The following ROBO2 variants were observed in gnomAD, a reference collection of about 807,000 sequenced individuals.
ROBO2 encodes the protein roundabout homolog 2.
In ROBO2, 53 loss-of-function variants were observed where a neutral mutation model predicts 160.8. The observed-to-expected ratio is 0.33, with a 90% CI of 0.26 to 0.41. The LOEUF is 0.41. ROBO2 is among the 10% of genes least tolerant of loss of function. The pLI, the probability that ROBO2 is intolerant of heterozygous loss-of-function variation, is 1.00. For synonymous variants in ROBO2, 664 were observed against 611.7 expected, an observed-to-expected ratio of 1.09 and a Z score of -1.26; for missense variants, 1,577 against 1,722.4, an observed-to-expected ratio of 0.92 and a Z score of 1.49.
intron 2 of ROBO2, among the ~76,000 whole-genome samples, chr3:76,450,457 G>GA (rs1372612620): frequency 6.6e-6 from 1 of 151,970 alleles, no homozygotes; most frequent in Non-Finnish European, 1.5e-5. Context: ...AAATCTGGCA[G>GA]AAAAAAATGA....
intron 2 of ROBO2, among the ~76,000 whole-genome samples, chr3:76,806,778 A>C (rs1247664351): frequency 6.6e-6 from 1 of 152,066 alleles, no homozygotes; most frequent in South Asian, 2.1e-4. Context: ...AAGTTGCACT[A>C]TATAGACACA....
intron 2 of ROBO2, among the ~76,000 whole-genome samples, chr3:75,961,123 A>G (rs1948895405): frequency 6.6e-6 from 1 of 151,660 alleles, no homozygotes; most frequent in Non-Finnish European, 1.5e-5. Context: ...TTAAATCCAG[A>G]AACTGGGCCC....
chr3:77,011,979 A>G (rs1042606008), intron 2 of ROBO2, among the ~76,000 whole-genome samples: 1 of 152,108 alleles, frequency 6.6e-6, no homozygotes, highest in Admixed American at 6.5e-5. Context: ...GGAAGGTATT[A>G]TTCTCTTTCT....
At chr3:76,045,430 C>G (rs919763896) in intron 2 of ROBO2, among the ~76,000 whole-genome samples, 3 of 151,866 alleles carry the variant, frequency 2.0e-5, no homozygotes, top group Admixed American at 2.0e-4. Flanking sequence ...ATGAGTGAGG[C>G]CAGACCAGAT....
intron 2 of ROBO2, among the ~76,000 whole-genome samples, chr3:76,275,981 C>A (rs550167426): frequency 6.6e-6 from 1 of 151,616 alleles, no homozygotes; most frequent in South Asian, 2.1e-4. Flanking sequence ...AATTAAAAAT[C>A]AAATATACAA....
chr3:76,947,267 T>C (rs1559746944), intron 2 of ROBO2, among the ~76,000 whole-genome samples: 1 of 152,008 alleles, frequency 6.6e-6, no homozygotes, highest in Non-Finnish European at 1.5e-5. Flanking sequence ...ATTCTTTCTA[T>C]AAAAAAACAT....
intron 2 of ROBO2, among the ~76,000 whole-genome samples, chr3:77,368,656 G>T (rs954287038): frequency 1.3e-5 from 2 of 152,110 alleles, no homozygotes; most frequent in Non-Finnish European, 2.9e-5. Flanking sequence ...ATGTGTCTCC[G>T]CACAATTCCT....
At chr3:76,933,053 G>A (rs1478643194) in intron 2 of ROBO2, among the ~76,000 whole-genome samples, 1 of 138,434 alleles carries the variant, frequency 7.2e-6, no homozygotes, top group Non-Finnish European at 1.6e-5. Context: ...GTTTGAGGAA[G>A]TGGACAGGAA....
chr3:77,293,637 A>G (rs1465463113), intron 2 of ROBO2, among the ~76,000 whole-genome samples: 2 of 141,438 alleles, frequency 1.4e-5, no homozygotes, highest in Non-Finnish European at 3.0e-5. Flanking sequence ...TAAACGGGTA[A>G]GCTGAGGCTA....
chr3:76,650,555 G>T (rs1367232315), intron 2 of ROBO2, among the ~76,000 whole-genome samples: 3 of 151,138 alleles, frequency 2.0e-5, no homozygotes, highest in Non-Finnish European at 4.4e-5. Context: ...GTGATTCTAA[G>T]CTCTGTTTGC....
intron 2 of ROBO2, among the ~76,000 whole-genome samples, chr3:76,576,188 A>T (rs13077571): frequency 0.31 from 47,695 of 152,056 alleles, 9,288 homozygotes; most frequent in Non-Finnish European, 0.42. Flanking sequence ...AGCATGGTTC[A>T]TGTTAACTTT....
chr3:77,600,884 G>T (rs966762853), intron 19 of ROBO2, among the ~76,000 whole-genome samples: 2 of 152,086 alleles, frequency 1.3e-5, no homozygotes, highest in African/African-American at 4.8e-5. Flanking sequence ...AATGTTATTT[G>T]CTTATACAAC....
intron 2 of ROBO2, among the ~76,000 whole-genome samples, chr3:76,707,731 GTA>G (rs56401900): frequency 0.12 from 16,405 of 133,862 alleles, 1,391 homozygotes; most frequent in African/African-American, 0.26. Flanking sequence ...ACATGTGTGT[GTA>G]TATATATATA....
chr3:76,196,399 G>A (rs1210187723), intron 2 of ROBO2, among the ~76,000 whole-genome samples: 2 of 152,086 alleles, frequency 1.3e-5, no homozygotes, highest in East Asian at 1.9e-4. Flanking sequence ...AGTGTTTACT[G>A]GGGGAGAGAG....
chr3:76,857,050 A>G (rs1299994605), intron 2 of ROBO2, among the ~76,000 whole-genome samples: 1 of 150,976 alleles, frequency 6.6e-6, no homozygotes, highest in Non-Finnish European at 1.5e-5. Flanking sequence ...CAGTGGTGTG[A>G]TCTCGGCTCA....
chr3:76,252,402 G>A (rs1360819398), intron 2 of ROBO2, among the ~76,000 whole-genome samples: 3 of 152,158 alleles, frequency 2.0e-5, no homozygotes, highest in East Asian at 1.9e-4. Flanking sequence ...AATGAAAGAT[G>A]AAAGCATCTA....
intron 2 of ROBO2, among the ~76,000 whole-genome samples, chr3:77,385,840 C>T (rs956481988): frequency 3.9e-5 from 6 of 152,100 alleles, no homozygotes; most frequent in Admixed American, 2.0e-4. Context: ...CCCTCAGACA[C>T]GTGAGTGACA....
At chr3:77,323,099 A>G (rs2153433700) in intron 2 of ROBO2, among the ~76,000 whole-genome samples, 1 of 48,554 alleles carries the variant, frequency 2.1e-5, no homozygotes, top group South Asian at 5.9e-4. Flanking sequence ...ATGTATGTTA[A>G]TACTATGTAA....
intron 2 of ROBO2, among the ~76,000 whole-genome samples, chr3:76,106,179 T>G (rs1028989835): frequency 1.3e-5 from 2 of 152,138 alleles, no homozygotes; most frequent in South Asian, 2.1e-4. Context: ...CATGTAGAGA[T>G]GCTGACAAAA....
Sources: allele counts gnomAD v4.1 joint callset (sites outside exome capture counted in the v4.1 genomes callset), GRCh38; gene constraint gnomAD v4.1.1; transcripts MANE v1.5; gene names NCBI Gene and HGNC (gene_info 2026-07-23, HGNC 2026-07-21).